Variants in CLNK observed in about 807,000 individuals in gnomAD.
The protein encoded by CLNK is cytokine-dependent hematopoietic cell linker.
In CLNK, 74 loss-of-function variants were observed where a neutral mutation model predicts 68.6. That is an observed-to-expected ratio of 1.08 (90% CI 0.89 to 1.31). The LOEUF (loss-of-function observed/expected upper bound fraction) is 1.31, where lower values mean the gene tolerates loss of function less well. CLNK is among the 50% of genes most tolerant of loss of function. The probability of loss-of-function intolerance (pLI) is 0.00; values close to 1 mark genes in which losing one functional copy is unlikely to be tolerated. For synonymous variants in CLNK, 198 were observed against 172.2 expected (o/e 1.15, Z -1.17); for missense variants, 553 against 515.3 (o/e 1.07, Z -0.71).
chr4:10,508,107 A>G (rs1406600072), intron 16 of CLNK, 71 bp from the exon 17 acceptor site: 2 of 1,242,916 alleles, frequency 1.6e-6, no homozygotes, highest in East Asian at 5.1e-5. Flanking sequence ...AATTAATTCA[A>G]AATTTACTTT....
chr4:10,676,281 CT>C (rs1466822855), intron 1 of CLNK, among the ~76,000 whole-genome samples: 1 of 152,000 alleles, frequency 6.6e-6, no homozygotes, highest in Non-Finnish European at 1.5e-5. Context: ...ATTTCTAATT[CT>C]ATACCCCAGT....
chr4:10,515,410 T>C (rs1560196813), intron 15 of CLNK, among the ~76,000 whole-genome samples: 1 of 152,226 alleles, frequency 6.6e-6, no homozygotes, highest in Non-Finnish European at 1.5e-5. Context: ...GTTCCTTTTC[T>C]TAAACATGAC....
At chr4:10,707,652 T>C in the CLNK span, among the ~76,000 whole-genome samples, 1 of 152,220 alleles carries the variant, frequency 6.6e-6, no homozygotes. Context: ...TTTGAGATGG[T>C]TCCCTGGGCC....
chr4:10,603,340 G>T (rs572983455), intron 2 of CLNK, among the ~76,000 whole-genome samples: 9 of 152,298 alleles, frequency 5.9e-5, no homozygotes, highest in African/African-American at 2.2e-4. Flanking sequence ...AGAACTGCAA[G>T]AAATTTATAT....
chr4:10,667,218 A>G (rs1459976006), intron 2 of CLNK, among the ~76,000 whole-genome samples: 1 of 152,284 alleles, frequency 6.6e-6, no homozygotes, highest in Non-Finnish European at 1.5e-5. Flanking sequence ...TGCTTTTCAC[A>G]CCAAAGAGGA....
chr4:10,716,900 G>T, the CLNK span, among the ~76,000 whole-genome samples: 1 of 151,938 alleles, frequency 6.6e-6, no homozygotes, highest in African/African-American at 2.4e-5. Context: ...CACCATGTTG[G>T]CCAGGCTGGT....
intron 2 of CLNK, among the ~76,000 whole-genome samples, chr4:10,653,387 C>A (rs1191916255): frequency 4.0e-5 from 6 of 151,492 alleles, no homozygotes; most frequent in African/African-American, 7.3e-5. Context: ...AATAAACTCT[C>A]AAAAAAAACT....
chr4:10,557,076 AAAATAAATAAATAAAT>A lies in CLNK; in HGVS notation c.445+1315_445+1330del, dbSNP rs145622246. Among the ~76,000 whole-genome samples, 15 of 140,066 alleles carry A rather than the reference AAAATAAATAAATAAAT, an allele frequency of 1.1e-4. No individual in the cohort carries two copies. The East Asian group carries it at 1.9e-3, about 18-fold the overall frequency. The allele number at this position is 140,066 out of a possible 152,430, so 91.9% of individuals were successfully genotyped here. On this transcript the variant is annotated intron_variant, in intron 8 of 18. Coordinates refer to ENST00000226951, the MANE Select transcript of CLNK (RefSeq NM_052964.4). ...GGGCAACAGAGCGAGACTCTGTCTC[AAAATAAATAAATAAAT>A]AAATAAATAAATAAATAAATAAATA...
the CLNK span, among the ~76,000 whole-genome samples, chr4:10,701,115 A>C: frequency 6.6e-6 from 1 of 152,152 alleles, no homozygotes; most frequent in Non-Finnish European, 1.5e-5. Flanking sequence ...TGGAGCTATC[A>C]CCATCCAACC....
the CLNK span, among the ~76,000 whole-genome samples, chr4:10,715,014 A>T: frequency 1.3e-5 from 2 of 152,142 alleles, no homozygotes; most frequent in Non-Finnish European, 2.9e-5. Flanking sequence ...TAATAAAATG[A>T]TCATGTAATT....
At chr4:10,703,052 C>G in the CLNK span, among the ~76,000 whole-genome samples, 3 of 152,126 alleles carry the variant, frequency 2.0e-5, no homozygotes, top group Admixed American at 1.3e-4. Flanking sequence ...GGGCAGCATT[C>G]AGCGCAGAGG....
intron 1 of CLNK, among the ~76,000 whole-genome samples, chr4:10,673,972 C>T (rs1489302523): frequency 1.3e-5 from 2 of 152,166 alleles, no homozygotes; most frequent in African/African-American, 2.4e-5. Context: ...ATTTCAGTTT[C>T]TCTTCCTGGT....
At chr4:10,496,912 G>A (rs559543831) in intron 18 of CLNK, among the ~76,000 whole-genome samples, 53 of 152,282 alleles carry the variant, frequency 3.5e-4, no homozygotes, top group Admixed American at 2.9e-3. Context: ...CCCTATGCCG[G>A]GGCCCGCTCC....
At chr4:10,511,676 T>A (rs1350201060) in intron 16 of CLNK, among the ~76,000 whole-genome samples, 1 of 152,236 alleles carries the variant, frequency 6.6e-6, no homozygotes, top group African/African-American at 2.4e-5. Flanking sequence ...TCTTGTATAT[T>A]GTATCACGTT....
At chr4:10,639,911 G>A (rs917150287) in intron 2 of CLNK, among the ~76,000 whole-genome samples, 10 of 152,184 alleles carry the variant, frequency 6.6e-5, no homozygotes, top group South Asian at 2.1e-4. Context: ...CTTCCATGAC[G>A]CACATAAAGT....
chr4:10,588,045 C>G lies in CLNK; in HGVS notation c.84-3090G>C, dbSNP rs1256207550. On this transcript the variant is annotated intron_variant, in intron 3 of 18. Coordinates refer to ENST00000226951, the MANE Select transcript of CLNK (RefSeq NM_052964.4). ...ATGGCCTCTTCTCTGATGTCTTGGT[C>G]TTTGATTAAGGCCTCAAAAGGCTCC... Among the ~76,000 whole-genome samples, 10 of 152,192 alleles carry G rather than the reference C, an allele frequency of 6.6e-5. 1 individual carries two copies. The highest frequency in any genetic ancestry group is 1.5e-4 in the Non-Finnish European group (10 of 68,040).
At chr4:10,695,938 C>A in the CLNK span, among the ~76,000 whole-genome samples, 2 of 152,076 alleles carry the variant, frequency 1.3e-5, no homozygotes, top group South Asian at 4.2e-4. Context: ...TCACTGCAAC[C>A]TCTGCCTCCC....
chr4:10,538,668 T>C (rs1718897556), intron 11 of CLNK, among the ~76,000 whole-genome samples: 1 of 152,198 alleles, frequency 6.6e-6, no homozygotes, highest in Non-Finnish European at 1.5e-5. Flanking sequence ...ATTAGGTTCC[T>C]TTGAAAGCTG....
intron 2 of CLNK, among the ~76,000 whole-genome samples, chr4:10,626,812 G>C (rs2108865588): frequency 6.6e-6 from 1 of 152,288 alleles, no homozygotes; most frequent in East Asian, 1.9e-4. Context: ...TTTAATGTCT[G>C]ACATGGAGTG....
Sources: allele counts gnomAD v4.1 joint callset (sites outside exome capture counted in the v4.1 genomes callset), GRCh38; gene constraint gnomAD v4.1.1; transcripts MANE v1.5; gene names NCBI Gene and HGNC (gene_info 2026-07-23, HGNC 2026-07-21).